The following NGEF variants were observed in gnomAD, a reference collection of about 807,000 sequenced individuals.
The protein encoded by NGEF is ephexin-1.
Under a neutral mutation model 80.9 loss-of-function variants are expected in NGEF, and 31 were observed. That is an observed-to-expected ratio of 0.38 (90% CI 0.29 to 0.52). The LOEUF (loss-of-function observed/expected upper bound fraction) is 0.52, where lower values mean the gene tolerates loss of function less well. Ranked by LOEUF, NGEF falls within the 20% of genes least tolerant of loss-of-function variation. The pLI is 0.84. For synonymous variants in NGEF, 371 were observed against 370.2 expected, an observed-to-expected ratio of 1.00 and a Z score of -0.03; for missense variants, 709 against 926.2, an observed-to-expected ratio of 0.77 and a Z score of 3.04.
chr2:232,888,389 T>C (rs1691768075), intron 8 of NGEF, among the ~76,000 whole-genome samples: 1 of 151,064 alleles, frequency 6.6e-6, no homozygotes, highest in Non-Finnish European at 1.5e-5. Flanking sequence ...GAAACATGCA[T>C]ACAAGCACAC....
chr2:232,978,596 T>C (rs1381500949), intron 1 of NGEF, among the ~76,000 whole-genome samples: 2 of 152,176 alleles, frequency 1.3e-5, no homozygotes, highest in East Asian at 1.9e-4. Flanking sequence ...ATTCAGTGCA[T>C]GTAACCACCA....
chr2:233,012,279 G>C (rs572872782), intron 1 of NGEF, among the ~76,000 whole-genome samples: 2 of 152,344 alleles, frequency 1.3e-5, no homozygotes, highest in African/African-American at 4.8e-5. Flanking sequence ...GCCAGAGACT[G>C]TGTGACTGTC....
chr2:232,961,963 A>T (rs1693962570), intron 3 of NGEF, among the ~76,000 whole-genome samples: 2 of 152,222 alleles, frequency 1.3e-5, no homozygotes. Context: ...CAAGAAAAGG[A>T]TAAAGCGGCT....
chr2:232,881,119 C>A (rs368595553), intron 14 of NGEF, 27 bp downstream of exon 14: 164 of 1,597,356 alleles, frequency 1.0e-4, no homozygotes, highest in Non-Finnish European at 1.4e-4. Flanking sequence ...CCCCTGGGGG[C>A]CCCGAGGGGA....
At chr2:232,930,168 A>T (rs1693190078) in intron 3 of NGEF, among the ~76,000 whole-genome samples, 1 of 152,102 alleles carries the variant, frequency 6.6e-6, no homozygotes, top group South Asian at 2.1e-4. Flanking sequence ...CAGCAGACAC[A>T]TTTCTCATAG....
chr2:232,960,569 G>A (rs1369975917), intron 3 of NGEF, among the ~76,000 whole-genome samples: 1 of 152,178 alleles, frequency 6.6e-6, no homozygotes, highest in Admixed American at 6.5e-5. Flanking sequence ...GCAGCCTTAA[G>A]GCTAGGCACC....
At chr2:233,002,590 T>C (rs1695003502) in intron 1 of NGEF, among the ~76,000 whole-genome samples, 1 of 152,086 alleles carries the variant, frequency 6.6e-6, no homozygotes, top group South Asian at 2.1e-4. Context: ...CGTGGGAGAA[T>C]TCCTGGAGCC....
chr2:232,908,300 T>G (rs1375890138), intron 5 of NGEF, among the ~76,000 whole-genome samples: 1 of 152,142 alleles, frequency 6.6e-6, no homozygotes, highest in Non-Finnish European at 1.5e-5. Context: ...CAAGATAAAT[T>G]TCTAGAAATA....
chr2:232,931,305 C>G (rs1399960574), intron 3 of NGEF, among the ~76,000 whole-genome samples: 1 of 152,162 alleles, frequency 6.6e-6, no homozygotes, highest in Non-Finnish European at 1.5e-5. Flanking sequence ...TGTGCCTCTC[C>G]GTTATTTGGT....
At chr2:232,917,989 T>C (rs1692846958) in intron 5 of NGEF, among the ~76,000 whole-genome samples, 1 of 152,162 alleles carries the variant, frequency 6.6e-6, no homozygotes, top group Non-Finnish European at 1.5e-5. Context: ...AGCCTCACTC[T>C]GTGGCCCAGG....
At chr2:232,978,324 C>T (rs1694339687) in intron 1 of NGEF, among the ~76,000 whole-genome samples, 1 of 151,798 alleles carries the variant, frequency 6.6e-6, no homozygotes, top group South Asian at 2.1e-4. Flanking sequence ...ACCAGCCTGG[C>T]CAACATGGTG....
intron 1 of NGEF, among the ~76,000 whole-genome samples, chr2:232,986,323 A>G (rs1053477431): frequency 6.6e-6 from 1 of 152,236 alleles, no homozygotes; most frequent in African/African-American, 2.4e-5. Flanking sequence ...GAGGTTAAAA[A>G]TAGAACTACC....
At chr2:232,966,004 G>T (rs1694051884) in intron 3 of NGEF, among the ~76,000 whole-genome samples, 1 of 152,166 alleles carries the variant, frequency 6.6e-6, no homozygotes, top group African/African-American at 2.4e-5. Context: ...CCTCAGGCAG[G>T]CCACATGCAA....
At chr2:232,998,958 T>C (rs1213946691) in intron 1 of NGEF, among the ~76,000 whole-genome samples, 2 of 152,172 alleles carry the variant, frequency 1.3e-5, no homozygotes, top group East Asian at 3.8e-4. Flanking sequence ...ACAATGAGCA[T>C]AACTGCGTGC....
chr2:232,926,934 C>T, intron 4 of NGEF, 110 bp downstream of exon 4: 2 of 1,390,460 alleles, frequency 1.4e-6, no homozygotes, highest in Admixed American at 1.9e-5. Flanking sequence ...CCATGTCAGA[C>T]GCAGTCCTTC....
In NGEF at chr2:232,897,260, G is replaced by A. The variant is rs1574998700; in HGVS notation, c.829-2344C>T. On this transcript the variant is annotated intron_variant, in intron 5 of 14. Transcript: ENST00000264051. ...CAGGGCCCAGGGCTTTGGCATGAAAGCAGGAGCTCCAGGGTTAGAGGCATT... is the reference window on the plus strand; with the variant it reads ...CAGGGCCCAGGGCTTTGGCATGAAAACAGGAGCTCCAGGGTTAGAGGCATT... Among the ~76,000 whole-genome samples, 3 of 152,086 alleles carry A rather than the reference G, an allele frequency of 2.0e-5. No homozygotes were observed. In the South Asian group the frequency reaches 6.2e-4, roughly 32 times the overall value.
intron 3 of NGEF, among the ~76,000 whole-genome samples, chr2:232,968,789 A>T (rs1349059631): frequency 6.6e-6 from 1 of 152,226 alleles, no homozygotes; most frequent in South Asian, 2.1e-4. Flanking sequence ...GGCTAATAAG[A>T]TATCAGCAGC....
At chr2:233,000,529 G>A (rs1008802674) in intron 1 of NGEF, among the ~76,000 whole-genome samples, 3 of 152,136 alleles carry the variant, frequency 2.0e-5, no homozygotes, top group African/African-American at 7.2e-5. Context: ...AGGCCGAGGC[G>A]GGTGGATCAC....
In NGEF at chr2:232,894,897, G is replaced by T; in HGVS notation, c.848C>A (p.Thr283Asn). 2 of 1,594,784 alleles carry T rather than the reference G, an allele frequency of 1.3e-6. No homozygotes were observed. Among genetic ancestry groups the T allele is most frequent in the Non-Finnish European group, 1.7e-6 (2 of 1,165,038 alleles). ...KLQEAMFELV[T>N]SEASYYKSLN... is the part of the protein sequence containing the mutation. Reference sequence around the variant, plus strand: ...ACTCTTGTAGTAGGACGCCTCGGAAGTGACCAGCTCGAACATGGCCTGTAG... The same window carrying T: ...ACTCTTGTAGTAGGACGCCTCGGAATTGACCAGCTCGAACATGGCCTGTAG... Residue 283 changes from threonine to asparagine, a missense_variant, in exon 6 of 15, where the codon ACT (threonine) becomes AAT (asparagine). Physicochemically the swap from Thr to Asn is moderately conservative, Grantham distance 65. Around this residue, in one of 2 missense-constraint regions of NGEF, gnomAD observed 426 missense variants for 622.9 expected, o/e 0.68. Transcript: ENST00000264051.
Sources: allele counts gnomAD v4.1 joint callset (sites outside exome capture counted in the v4.1 genomes callset), GRCh38; gene constraint gnomAD v4.1.1; regional missense constraint gnomAD v4.1.1; transcripts MANE v1.5; gene names NCBI Gene and HGNC (gene_info 2026-07-23, HGNC 2026-07-21).